Variants in LRRC37A2 observed in about 807,000 individuals in gnomAD.
LRRC37A2 encodes the protein leucine rich repeat containing 37 member A2, also known as leucine-rich repeat-containing protein 37A2.
Under a neutral mutation model 68.8 loss-of-function variants are expected in LRRC37A2, and 9 were observed. The ratio of observed to expected loss-of-function variants is 0.13; its 90% confidence interval spans 0.08 to 0.23. LRRC37A2 has a LOEUF of 0.23. LRRC37A2 is among the 10% of genes least tolerant of loss of function. The pLI is 1.00. For missense variants in LRRC37A2, 168 were observed against 950.4 expected, an observed-to-expected ratio of 0.18 and a Z score of 10.82; for synonymous variants, 63 against 367.6, an observed-to-expected ratio of 0.17 and a Z score of 9.48.
the LRRC37A2 span, among the ~76,000 whole-genome samples, chr17:47,036,067 G>C: frequency 6.6e-6 from 1 of 152,058 alleles, no homozygotes; most frequent in East Asian, 1.9e-4. Context: ...CTGGATATTA[G>C]ACCTTAACAG....
At chr17:46,713,038 A>G in the LRRC37A2 span, 2 of 152,144 alleles carry the variant, frequency 1.3e-5, no homozygotes, top group African/African-American at 4.8e-5. Context: ...GATGGGTGGG[A>G]GGTGAAGAAC....
At chr17:46,896,377 G>GAAAGAAAGAAAGAAAGA in the LRRC37A2 span, among the ~76,000 whole-genome samples, 1 of 125,534 alleles carries the variant, frequency 8.0e-6, no homozygotes, top group Admixed American at 9.4e-5. Context: ...GAGAGAGAGA[G>GAAAGAAAGAAAGAAAGA]AAGAAAGAAA....
At chr17:46,985,485 ACTC>A in the LRRC37A2 span, among the ~76,000 whole-genome samples, 1 of 149,954 alleles carries the variant, frequency 6.7e-6, no homozygotes, top group African/African-American at 2.5e-5. Context: ...GCACCATTGC[ACTC>A]CAGCCTGGGA....
At chr17:46,851,931 A>G in the LRRC37A2 span, among the ~76,000 whole-genome samples, 20 of 151,864 alleles carry the variant, frequency 1.3e-4, no homozygotes, top group African/African-American at 1.5e-4. This position sits in a 1 kb window ranked among gnomAD's most constrained non-coding sequence, Gnocchi z 4.3. Flanking sequence ...CGCCCTGTTC[A>G]GTGTCCGAGT....
At chr17:46,535,242 C>T (rs973374093) in intron 6 of LRRC37A2, among the ~76,000 whole-genome samples, 6 of 148,270 alleles carry the variant, frequency 4.0e-5, no homozygotes, top group Admixed American at 6.6e-5. Context: ...TATTGAGGAT[C>T]CCTTGTATGT....
chr17:46,404,795 G>A, the LRRC37A2 span, among the ~76,000 whole-genome samples: 32 of 92,522 alleles, frequency 3.5e-4, no homozygotes, highest in Admixed American at 2.2e-3. Flanking sequence ...GCGTGAACCC[G>A]GGAGGCGGAG....
the LRRC37A2 span, among the ~76,000 whole-genome samples, chr17:46,840,013 T>A: frequency 1.0e-5 from 1 of 96,030 alleles, no homozygotes; most frequent in Non-Finnish European, 2.0e-5. Context: ...CTTTCTTTCT[T>A]TCTTTCTTTC....
At chr17:46,930,333 C>T in the LRRC37A2 span, 3 of 152,306 alleles carry the variant, frequency 2.0e-5, no homozygotes, top group African/African-American at 7.2e-5. Context: ...AGTCTGGATG[C>T]TTTCTTTTGT....
the LRRC37A2 span, among the ~76,000 whole-genome samples, chr17:46,715,126 A>T: frequency 6.6e-6 from 1 of 152,234 alleles, no homozygotes; most frequent in Non-Finnish European, 1.5e-5. Context: ...TTGTAGCAGG[A>T]TTCCAGGCAT....
the LRRC37A2 span, among the ~76,000 whole-genome samples, chr17:47,036,803 T>C: frequency 6.6e-6 from 1 of 150,906 alleles, no homozygotes; most frequent in Non-Finnish European, 1.5e-5. Flanking sequence ...TACAAGATTA[T>C]TTTCCTATTT....
chr17:46,899,427 AAC>A, the LRRC37A2 span, among the ~76,000 whole-genome samples: 2,925 of 152,188 alleles, frequency 0.019, 91 homozygotes, highest in African/African-American at 0.065. Context: ...CAAACAAACC[AAC>A]AAACAAAAAC....
the LRRC37A2 span, among the ~76,000 whole-genome samples, chr17:46,779,914 A>G: frequency 6.6e-6 from 1 of 152,088 alleles, no homozygotes; most frequent in Non-Finnish European, 1.5e-5. Context: ...ATGCGTCACC[A>G]TGCCCAGCTA....
chr17:46,939,534 G>T, the LRRC37A2 span: 1 of 985,684 alleles, frequency 1.0e-6, no homozygotes, highest in Non-Finnish European at 1.2e-6. Context: ...CCTGCGCCCA[G>T]GCTTTGTGGG....
At chr17:46,782,866 C>T in the LRRC37A2 span, among the ~76,000 whole-genome samples, 4 of 152,204 alleles carry the variant, frequency 2.6e-5, no homozygotes, top group Admixed American at 6.5e-5. Flanking sequence ...GTGCACCCTG[C>T]GGGTACTGAG....
At chr17:46,890,046 T>C in the LRRC37A2 span, among the ~76,000 whole-genome samples, 1 of 152,198 alleles carries the variant, frequency 6.6e-6, no homozygotes, top group African/African-American at 2.4e-5. Context: ...CATGCCACCA[T>C]TTCAGCCCGG....
chr17:46,900,182 T>TACACACATATATAC, the LRRC37A2 span, among the ~76,000 whole-genome samples: 124 of 122,234 alleles, frequency 1.0e-3, 4 homozygotes, highest in African/African-American at 4.6e-3. Context: ...TATATATATA[T>TACACACATATATAC]ATATATATAT....
chr17:46,798,310 T>TGAG, the LRRC37A2 span, among the ~76,000 whole-genome samples: 1 of 152,238 alleles, frequency 6.6e-6, no homozygotes, highest in Admixed American at 6.5e-5. Context: ...GGGAATGGGC[T>TGAG]GAGGAGGACC....
At chr17:46,838,613 C>A in the LRRC37A2 span, among the ~76,000 whole-genome samples, 1 of 151,710 alleles carries the variant, frequency 6.6e-6, no homozygotes, top group African/African-American at 2.4e-5. Context: ...GGCGACAGAG[C>A]GAGACCCTGT....
the LRRC37A2 span, among the ~76,000 whole-genome samples, chr17:46,823,205 T>A: frequency 6.1e-5 from 8 of 132,144 alleles, no homozygotes; most frequent in African/African-American, 2.4e-4. Flanking sequence ...TATTTATATA[T>A]AATATATTAT....
Sources: gnomAD v4.1 joint callset for allele counts (sites outside exome capture counted in the v4.1 genomes callset) on GRCh38, gnomAD v4.1.1 for gene constraint, Gnocchi (gnomAD v3.1) non-coding constraint, MANE v1.5 for transcripts, NCBI Gene and HGNC (gene_info 2026-07-23, HGNC 2026-07-21) for gene names.